Variants in RARB observed in about 807,000 individuals in gnomAD.
RARB encodes the protein HBV-activated protein.
RARB carries 17 observed loss-of-function variants against 51.9 expected under a neutral mutation model. That is an observed-to-expected ratio of 0.33 (90% CI 0.22 to 0.49). The LOEUF (loss-of-function observed/expected upper bound fraction) is 0.49, where lower values mean the gene tolerates loss of function less well. RARB is among the 20% of genes least tolerant of loss of function. RARB has a pLI of 0.99. For synonymous variants in RARB, 215 were observed against 195.4 expected (o/e 1.10, Z -0.84); for missense variants, 369 against 550.8 (o/e 0.67, Z 3.30).
In RARB at chr3:24,836,243, G is replaced by T. The variant is rs368566993; in HGVS notation, c.-459+6840G>T. ...TGTGAATGGAGGCAATTGGAATTAG[G>T]TCTGTAATTATTTGCAGCAGCAATG... On this transcript the variant is annotated intron_variant, in intron 1 of 11. Coordinates refer to the RARB transcript ENST00000383772. 1.7e-4 allele frequency among the ~76,000 whole-genome samples: 26 copies of T among 152,268 alleles called. No individual in the cohort carries two copies. In the East Asian group the frequency reaches 4.8e-3, roughly 28 times the overall value.
chr3:24,921,081 C>A (rs1695206997), intron 2 of RARB, among the ~76,000 whole-genome samples: 1 of 152,100 alleles, frequency 6.6e-6, no homozygotes, highest in Admixed American at 6.6e-5. Context: ...CCTGTCTGTT[C>A]TATAGACAGT....
At chr3:24,896,431 T>C (rs988597005) in intron 2 of RARB, among the ~76,000 whole-genome samples, 10 of 152,090 alleles carry the variant, frequency 6.6e-5, no homozygotes, top group African/African-American at 2.4e-4. Flanking sequence ...GGCTAATTTT[T>C]TGTATTTTTA....
Position 25,091,170 on chromosome 3 carries a change from G to A in RARB, c.-328+30994G>A, listed in dbSNP as rs58763127. On this transcript the variant is annotated intron_variant, in intron 3 of 11. Coordinates refer to the RARB transcript ENST00000383772. Reference sequence around the variant, plus strand: ...AAGTCAGTCCCCTGGGCAAGCCCACGTCAACTGCAATAAAGAGATCTGTAC... The same window carrying A: ...AAGTCAGTCCCCTGGGCAAGCCCACATCAACTGCAATAAAGAGATCTGTAC... Among the ~76,000 whole-genome samples, 1,351 of 152,236 alleles carry A rather than the reference G, an allele frequency of 8.9e-3. 21 individuals are homozygous for A. Among genetic ancestry groups the A allele is most frequent in the African/African-American group, 0.028 (1,163 of 41,558 alleles).
At chr3:25,292,579 G>A (rs930567394) in intron 5 of RARB, among the ~76,000 whole-genome samples, 2 of 152,150 alleles carry the variant, frequency 1.3e-5, no homozygotes, top group African/African-American at 2.4e-5. Flanking sequence ...AGCTTGCGTT[G>A]CTCTATGTAG....
chr3:25,039,103 A>G (rs1161250103), intron 2 of RARB, among the ~76,000 whole-genome samples: 4 of 152,134 alleles, frequency 2.6e-5, no homozygotes, highest in Non-Finnish European at 5.9e-5. Context: ...TTCTCTTTCC[A>G]CTTGTCTGTA....
rs73137243 is a variant in RARB at position 24,931,434 on chromosome 3, C to G, written c.-380+72682C>G. 8.5e-3 allele frequency among the ~76,000 whole-genome samples: 1,296 copies of G among 152,086 alleles called. 16 individuals carry two copies. Among genetic ancestry groups the G allele is most frequent in the African/African-American group, 0.03 (1,226 of 41,506 alleles). ...AGGGTACAAGATGCATAAAATACAT[C>G]AGTGGTCCCATTAGGCTGTTGTCTA... On this transcript the variant is annotated intron_variant, in intron 2 of 11. Coordinates refer to the RARB transcript ENST00000383772.
intron 2 of RARB, among the ~76,000 whole-genome samples, chr3:24,891,969 A>G (rs1373736014): frequency 6.6e-6 from 1 of 152,092 alleles, no homozygotes; most frequent in Non-Finnish European, 1.5e-5. Context: ...TTACCAAAGG[A>G]GATGGTTGGC....
intron 2 of RARB, among the ~76,000 whole-genome samples, chr3:24,938,830 G>T (rs985969673): frequency 6.6e-6 from 1 of 152,048 alleles, no homozygotes; most frequent in African/African-American, 2.4e-5. Context: ...TTGTCCTTTT[G>T]TATCTGGCTT....
At chr3:25,334,068 A>T (rs1704986276) in intron 5 of RARB, among the ~76,000 whole-genome samples, 1 of 152,218 alleles carries the variant, frequency 6.6e-6, no homozygotes, top group African/African-American at 2.4e-5. Context: ...GAACACTTTT[A>T]CACTGTTGGT....
chr3:25,430,037 G>A (rs779743643), intron 1 of RARB, among the ~76,000 whole-genome samples: 17 of 152,166 alleles, frequency 1.1e-4, no homozygotes, highest in Non-Finnish European at 2.2e-4. Flanking sequence ...ACAATGACAG[G>A]ATTTAAATTG....
At chr3:25,582,205 T>C (rs913558168) in intron 5 of RARB, among the ~76,000 whole-genome samples, 3 of 152,180 alleles carry the variant, frequency 2.0e-5, no homozygotes, top group African/African-American at 7.2e-5. Flanking sequence ...ATTAGAATAA[T>C]GAATGAAAAT....
intron 2 of RARB, among the ~76,000 whole-genome samples, chr3:25,473,299 A>C (rs1695790280): frequency 6.6e-6 from 1 of 151,848 alleles, no homozygotes. Context: ...CCTAGAACTC[A>C]TCCCTGAAAA....
intron 3 of RARB, among the ~76,000 whole-genome samples, chr3:25,543,609 A>G (rs1699481868): frequency 6.7e-6 from 1 of 149,368 alleles, no homozygotes. Flanking sequence ...ATCTGTGGCC[A>G]TTTGGGGAAC....
At chr3:24,934,187 A>T (rs1014890713) in intron 2 of RARB, among the ~76,000 whole-genome samples, 2 of 152,128 alleles carry the variant, frequency 1.3e-5, no homozygotes, top group African/African-American at 4.8e-5. Context: ...AGCTAGCCAG[A>T]GGAGGGAACC....
chr3:25,392,556 G>T (rs949437184), intron 5 of RARB, among the ~76,000 whole-genome samples: 1 of 151,958 alleles, frequency 6.6e-6, no homozygotes, highest in South Asian at 2.1e-4. Context: ...TGTGTTGTCT[G>T]TGATTTCTTT....
intron 5 of RARB, among the ~76,000 whole-genome samples, chr3:25,590,867 C>G (rs1245972955): frequency 2.0e-5 from 3 of 152,190 alleles, no homozygotes; most frequent in African/African-American, 7.2e-5. Context: ...GAACATCAGG[C>G]TGGGGATTGG....
chr3:25,340,488 C>G (rs896325965), intron 5 of RARB, among the ~76,000 whole-genome samples: 11 of 152,082 alleles, frequency 7.2e-5, no homozygotes, highest in African/African-American at 2.7e-4. Context: ...AATGCGTATT[C>G]TTATCAGTTC....
intron 5 of RARB, among the ~76,000 whole-genome samples, chr3:25,582,415 G>T (rs563028301): frequency 1.3e-5 from 2 of 152,074 alleles, no homozygotes; most frequent in East Asian, 2.0e-4. Flanking sequence ...CCTGCATCAC[G>T]CAGCCACCCA....
At chr3:25,029,601 C>T (rs1264596845) in intron 2 of RARB, among the ~76,000 whole-genome samples, 2 of 152,146 alleles carry the variant, frequency 1.3e-5, no homozygotes, top group Non-Finnish European at 2.9e-5. Flanking sequence ...GGGGAGTTGC[C>T]TTTTCTCCAC....
Sources: allele counts gnomAD v4.1 joint callset (sites outside exome capture counted in the v4.1 genomes callset), GRCh38; gene constraint gnomAD v4.1.1; transcripts MANE v1.5; gene names NCBI Gene and HGNC (gene_info 2026-07-23, HGNC 2026-07-21).